Variants in SMIM38 observed in about 807,000 individuals in gnomAD.
The protein encoded by SMIM38 is small integral membrane protein 38.
At position 69,156,129 on chromosome 11, in the gene SMIM38, T is replaced by C. The variant is rs3019751; in HGVS notation, c.-674+15T>C. On this transcript the variant is annotated intron_variant, in intron 1 of 2. Transcript: ENST00000686237. Reference sequence around the variant, plus strand: ...CCCGGCCCAAGGTGAGTTGGCATCATGCTCCACTTCCCGTTTGAACGTGTG... The same window carrying C: ...CCCGGCCCAAGGTGAGTTGGCATCACGCTCCACTTCCCGTTTGAACGTGTG... 0.49 allele frequency: 74,243 copies of C among 152,178 alleles called. 18,396 individuals are homozygous for C. The highest frequency in any genetic ancestry group is 0.54 in the Admixed American group (8,200 of 15,292). 9.4% of individuals were successfully genotyped at this position (152,178 alleles called of 1,614,324 possible). A position where few individuals can be genotyped will look rare whatever the true frequency, so the allele number is the denominator to read the frequency against.
rs1225058926 is a variant in SMIM38 at position 69,159,804 on chromosome 11, C to T, written c.*1708C>T. ...TGGGGAGGGATATTCTCATTGATCT[C>T]TAAGGAAAATATTGTTCGCTTTTTA... On this transcript the variant is annotated 3_prime_UTR_variant, in exon 3 of 3. Coordinates refer to ENST00000686237, the MANE Select transcript of SMIM38 (RefSeq NM_001369201.2). 6.6e-6 allele frequency: 1 copy of T among 152,184 alleles called. No individual in the cohort carries two copies. The highest frequency in any genetic ancestry group is 1.5e-5 in the Non-Finnish European group (1 of 68,052). The allele number at this position is 152,184 out of a possible 1,614,324, so 9.4% of individuals were successfully genotyped here.
chr11:69,159,578 A>G lies in SMIM38; in HGVS notation c.*1482A>G, dbSNP rs1857032520. ...CCAGGGGGTGACGTGAAGATGACCT[A>G]TTGCAGAGGGTCCCTTCTCATTCAC... On this transcript the variant is annotated 3_prime_UTR_variant, in exon 3 of 3. Transcript: ENST00000686237. 1 of 151,812 alleles carries G rather than the reference A, an allele frequency of 6.6e-6. No homozygotes were observed. The highest frequency in any genetic ancestry group is 6.6e-5 in the Admixed American group (1 of 15,240). 9.4% of individuals were successfully genotyped at this position (151,812 alleles called of 1,614,324 possible).
In SMIM38 at chr11:69,155,958, G is replaced by A. The variant is rs1262655951; in HGVS notation, c.-830G>A. ...GCCCAGAGCTCAACGTTCCCTAAGTGAGTGGCCTTTGACAGCAGTGCCAGG... is the reference window on the plus strand; with the variant it reads ...GCCCAGAGCTCAACGTTCCCTAAGTAAGTGGCCTTTGACAGCAGTGCCAGG... On this transcript the variant is annotated 5_prime_UTR_variant, in exon 1 of 3. Coordinates refer to ENST00000686237, the MANE Select transcript of SMIM38 (RefSeq NM_001369201.2). 1 of 152,368 alleles carries A rather than the reference G, an allele frequency of 6.6e-6. No individual in the cohort carries two copies. The highest frequency in any genetic ancestry group is 1.5e-5 in the Non-Finnish European group (1 of 68,124). The allele number at this position is 152,368 out of a possible 1,614,324, so 9.4% of individuals were successfully genotyped here. A position where few individuals can be genotyped will look rare whatever the true frequency, so the allele number is the denominator to read the frequency against.
chr11:69,161,283 C>T lies in SMIM38; in HGVS notation c.*3187C>T, dbSNP rs963653915. The T allele has an allele frequency of 9.9e-5, 15 of 152,254 alleles. No homozygotes were observed. The highest frequency in any genetic ancestry group is 7.8e-4 in the Admixed American group (12 of 15,288). 9.4% of individuals were successfully genotyped at this position (152,254 alleles called of 1,614,324 possible). ...GTTTGTTAGCTGGTCTCCTAGCCAT[C>T]CTGAATGCCAAGTTTGTTATAAAGA... On this transcript the variant is annotated 3_prime_UTR_variant, in exon 3 of 3. Coordinates refer to ENST00000686237, the MANE Select transcript of SMIM38 (RefSeq NM_001369201.2).
At position 69,159,502 on chromosome 11, in the gene SMIM38, G is replaced by A. The variant is rs539523909; in HGVS notation, c.*1406G>A. ...GAGCTACAGACACGGGGGTGCTGGT[G>A]AGCAGGAGCCGAGACCATCTGGGGT... On this transcript the variant is annotated 3_prime_UTR_variant, in exon 3 of 3. Coordinates refer to ENST00000686237, the MANE Select transcript of SMIM38 (RefSeq NM_001369201.2). The A allele has an allele frequency of 4.6e-5, 7 of 151,918 alleles. No homozygotes were observed. The highest frequency in any genetic ancestry group is 1.0e-4 in the Non-Finnish European group (7 of 68,068). The allele number at this position is 151,918 out of a possible 1,614,324, so 9.4% of individuals were successfully genotyped here.
chr11:69,156,591 C>CGT (rs10651002), intron 1 of SMIM38, among the ~76,000 whole-genome samples: 25,034 of 150,536 alleles, frequency 0.17, 2,248 homozygotes, highest in East Asian at 0.22. Context: ...CATGTGTATG[C>CGT]GTGTGTGTGT....
At position 69,156,725 on chromosome 11, in the gene SMIM38, G is replaced by T. The variant is rs534244845; in HGVS notation, c.-673-449G>T. Among the ~76,000 whole-genome samples, 3 of 152,286 alleles carry T rather than the reference G, an allele frequency of 2.0e-5. No individual in the cohort carries two copies. In the East Asian group the frequency reaches 5.8e-4, roughly 29 times the overall value. On this transcript the variant is annotated intron_variant, in intron 1 of 2. Transcript: ENST00000686237. Reference sequence around the variant, plus strand: ...GGGGCCAGGATCTCTGTGCCCAGGCGCTGGGCGTGGCCCCTGAGAAGTGCT... The same window carrying T: ...GGGGCCAGGATCTCTGTGCCCAGGCTCTGGGCGTGGCCCCTGAGAAGTGCT...
chr11:69,158,583 G>A lies in SMIM38; in HGVS notation c.*581G>A, dbSNP rs1857020250. 1 of 152,272 alleles carries A rather than the reference G, an allele frequency of 6.6e-6. No individual in the cohort carries two copies. Among genetic ancestry groups the A allele is most frequent in the South Asian group, 2.1e-4 (1 of 4,828 alleles). 9.4% of individuals were successfully genotyped at this position (152,272 alleles called of 1,614,324 possible). ...GACAAGCCAGACGCACTTGGCTCTG[G>A]TTGACCCTCTGCACACTCTCTAACG... On this transcript the variant is annotated 3_prime_UTR_variant, in exon 2 of 3. Transcript: ENST00000686237.
In SMIM38 at chr11:69,157,739, G is replaced by A. The variant is rs1565114786; in HGVS notation, c.-108G>A. ...CAGGCTGGACGGAGCTTCCTGTCCT[G>A]GGTCTGCACAGCAGCCACTTGGCAG... On this transcript the variant is annotated 5_prime_UTR_variant, in exon 2 of 3. Coordinates refer to ENST00000686237, the MANE Select transcript of SMIM38 (RefSeq NM_001369201.2). 2 of 397,402 alleles carry A rather than the reference G, an allele frequency of 5.0e-6. No individual in the cohort carries two copies. The highest frequency in any genetic ancestry group is 8.9e-6 in the Non-Finnish European group (2 of 225,782). The allele number at this position is 397,402 out of a possible 1,614,324, so 24.6% of individuals were successfully genotyped here.
Position 69,161,108 on chromosome 11 carries a change from G to C in SMIM38, c.*3012G>C, listed in dbSNP as rs1041892488. 6.6e-6 allele frequency: 1 copy of C among 152,202 alleles called. No individual in the cohort carries two copies. Among genetic ancestry groups the C allele is most frequent in the Non-Finnish European group, 1.5e-5 (1 of 68,042 alleles). 9.4% of individuals were successfully genotyped at this position (152,202 alleles called of 1,614,324 possible). A position where few individuals can be genotyped will look rare whatever the true frequency, so the allele number is the denominator to read the frequency against. Reference sequence around the variant, plus strand: ...TACAAGAAACCTGCTGCTACTGCAGGCATCTTACACGAGTTCCAGGCAGGA... The same window carrying C: ...TACAAGAAACCTGCTGCTACTGCAGCCATCTTACACGAGTTCCAGGCAGGA... On this transcript the variant is annotated 3_prime_UTR_variant, in exon 3 of 3. Coordinates refer to ENST00000686237, the MANE Select transcript of SMIM38 (RefSeq NM_001369201.2).
In SMIM38 at chr11:69,157,688, C is replaced by G. The variant is rs1015988205; in HGVS notation, c.-159C>G. The G allele has an allele frequency of 7.6e-6, 3 of 396,400 alleles. No individual in the cohort carries two copies. The highest frequency in any genetic ancestry group is 1.3e-5 in the Non-Finnish European group (3 of 225,314). 24.6% of individuals were successfully genotyped at this position (396,400 alleles called of 1,614,324 possible). On this transcript the variant is annotated 5_prime_UTR_variant, in exon 2 of 3. Coordinates refer to ENST00000686237, the MANE Select transcript of SMIM38 (RefSeq NM_001369201.2). The stretch of plus-strand genomic sequence containing the variant: ...GGCACCAGAGAGAACAGGGCGGTCC[C>G]TTGGGGGCGCCGGCTGCAGAGGCCC...
upstream of SMIM38, chr11:69,155,892 A>T (rs937527416): frequency 6.6e-5 from 10 of 152,268 alleles, no homozygotes; most frequent in African/African-American, 2.4e-4. Context: ...CTCCCCACCC[A>T]CGTTCGAAGT....
In SMIM38 at chr11:69,158,198, T is replaced by G. The variant is rs1857014429; in HGVS notation, c.*196T>G. 1 of 390,416 alleles carries G rather than the reference T, an allele frequency of 2.6e-6. No individual in the cohort carries two copies. Among genetic ancestry groups the G allele is most frequent in the African/African-American group, 2.1e-5 (1 of 48,484 alleles). 24.2% of individuals were successfully genotyped at this position (390,416 alleles called of 1,614,324 possible). On this transcript the variant is annotated 3_prime_UTR_variant, in exon 2 of 3. Coordinates refer to ENST00000686237, the MANE Select transcript of SMIM38 (RefSeq NM_001369201.2). Reference sequence around the variant, plus strand: ...TGTCCCGTAGAGGCAGCTGGCCATGTGGGGAGATGGAGGGGCCGGCCTTGC... The same window carrying G: ...TGTCCCGTAGAGGCAGCTGGCCATGGGGGGAGATGGAGGGGCCGGCCTTGC...
At chr11:69,156,211 G>A (rs1465414536) in intron 1 of SMIM38, 97 bp downstream of exon 1, 1 of 152,396 alleles carries the variant, frequency 6.6e-6, no homozygotes, top group Non-Finnish European at 1.5e-5. Context: ...TTTGTAGACT[G>A]GGAAGGAACT....
intron 1 of SMIM38, among the ~76,000 whole-genome samples, chr11:69,156,373 C>T (rs1289572529): frequency 3.3e-5 from 5 of 152,214 alleles, no homozygotes; most frequent in South Asian, 2.1e-4. Context: ...CTGTTCCTCA[C>T]GCTCAGCCCC....
chr11:69,156,806 C>T (rs570836612), intron 1 of SMIM38, among the ~76,000 whole-genome samples: 3 of 152,180 alleles, frequency 2.0e-5, no homozygotes, highest in South Asian at 2.1e-4. Flanking sequence ...AAGGCAGGAT[C>T]TGCGGCTCTG....
chr11:69,156,837 G>T (rs186743185), intron 1 of SMIM38, among the ~76,000 whole-genome samples: 1 of 152,192 alleles, frequency 6.6e-6, no homozygotes, highest in Non-Finnish European at 1.5e-5. Flanking sequence ...CAACTTGCCC[G>T]AGGTCACTCA....
Position 69,158,044 on chromosome 11 carries a change from T to G in SMIM38, c.*42T>G. 2.5e-6 allele frequency: 1 copy of G among 398,666 alleles called. No homozygotes were observed. The highest frequency in any genetic ancestry group is 4.4e-6 in the Non-Finnish European group (1 of 226,200). The allele number at this position is 398,666 out of a possible 1,614,324, so 24.7% of individuals were successfully genotyped here. On this transcript the variant is annotated 3_prime_UTR_variant, in exon 2 of 3. Coordinates refer to ENST00000686237, the MANE Select transcript of SMIM38 (RefSeq NM_001369201.2). ...GCCTCCACGCGCCCTGTCCCGAGAC[T>G]CAGCCGGCCCTTCCAGTGGTGGTGG...
At position 69,162,331 on chromosome 11, in the gene SMIM38, C is replaced by A. The variant is rs1029547023; in HGVS notation, c.*4235C>A. ...TAAAATGCGTACTGGCTATTGAAGACTTGGCACAGAAAAATAATGTAAAAT... is the reference window on the plus strand; with the variant it reads ...TAAAATGCGTACTGGCTATTGAAGAATTGGCACAGAAAAATAATGTAAAAT... On this transcript the variant is annotated 3_prime_UTR_variant, in exon 3 of 3. Coordinates refer to ENST00000686237, the MANE Select transcript of SMIM38 (RefSeq NM_001369201.2). The A allele has an allele frequency of 2.6e-5, 4 of 152,122 alleles. No homozygotes were observed. The highest frequency in any genetic ancestry group is 5.9e-5 in the Non-Finnish European group (4 of 68,036). The allele number at this position is 152,122 out of a possible 1,614,324, so 9.4% of individuals were successfully genotyped here. A position where few individuals can be genotyped will look rare whatever the true frequency, so the allele number is the denominator to read the frequency against.
Sources: gnomAD v4.1 joint callset for allele counts (sites outside exome capture counted in the v4.1 genomes callset) on GRCh38, gnomAD v4.1.1 for gene constraint, MANE v1.5 for transcripts, NCBI Gene and HGNC (gene_info 2026-07-23, HGNC 2026-07-21) for gene names.